Variants in ZMAT1 observed in about 807,000 individuals in gnomAD.
ZMAT1 encodes the protein zinc finger matrin-type protein 1.
A neutral mutation model predicts 18.5 loss-of-function variants in ZMAT1; 11 were observed. That is an observed-to-expected ratio of 0.59 (90% CI 0.37 to 0.98). ZMAT1 has a LOEUF of 0.98. Among genes scored for constraint, ZMAT1 ranks in the 50% least tolerant of loss-of-function variants. The probability of loss-of-function intolerance (pLI) is 0.01; values close to 1 mark genes in which losing one functional copy is unlikely to be tolerated. For synonymous variants in ZMAT1, 211 were observed against 176.4 expected, an observed-to-expected ratio of 1.20 and a Z score of -1.55; for missense variants, 525 against 496.2, an observed-to-expected ratio of 1.06 and a Z score of -0.55.
At chrX:101,891,497 G>A (rs1028976177) in intron 4 of ZMAT1, among the ~76,000 whole-genome samples, 3 of 111,240 alleles carry the variant, frequency 2.7e-5, no homozygotes, top group African/African-American at 9.8e-5. Context: ...AGATAGGTCA[G>A]AGAGATTTTG....
At chrX:101,910,392 C>T (rs1928882682) in intron 1 of ZMAT1, among the ~76,000 whole-genome samples, 1 of 112,258 alleles carries the variant, frequency 8.9e-6, no homozygotes, top group African/African-American at 3.2e-5. Context: ...AGCATCAACA[C>T]CATTCCGAAA....
chrX:101,929,984 T>C (rs912642045), intron 1 of ZMAT1, among the ~76,000 whole-genome samples: 5 of 112,098 alleles, frequency 4.5e-5, no homozygotes, highest in Non-Finnish European at 9.4e-5. Context: ...GGTGAACCTA[T>C]GTTAACTGCA....
At chrX:101,893,310 T>G (rs1339571633) in intron 4 of ZMAT1, among the ~76,000 whole-genome samples, 1 of 111,617 alleles carries the variant, frequency 9.0e-6, no homozygotes, top group African/African-American at 3.3e-5. Flanking sequence ...GCCCCTTATT[T>G]CAGATACACT....
chrX:101,910,953 T>C (rs1928922990), intron 1 of ZMAT1, among the ~76,000 whole-genome samples: 1 of 110,887 alleles, frequency 9.0e-6, no homozygotes, highest in Non-Finnish European at 1.9e-5. Flanking sequence ...GCAGATTTAA[T>C]TCAAAGACGA....
intron 1 of ZMAT1, chrX:101,915,732 T>A (rs763248128): frequency 9.0e-6 from 1 of 111,728 alleles, no homozygotes. Flanking sequence ...TACTAAAAAG[T>A]CAAGAAACAA....
intron 2 of ZMAT1, among the ~76,000 whole-genome samples, chrX:101,899,029 CAG>C (rs1025868785): frequency 3.6e-5 from 4 of 110,583 alleles, no homozygotes; most frequent in African/African-American, 1.3e-4. Context: ...GCCTAGGCGA[CAG>C]AGACTCTGTC....
rs1193436351 is a variant in ZMAT1, at chrX:101,911,937, C to T, written c.293-7607G>A. On this transcript the variant is annotated intron_variant, in intron 1 of 5. Coordinates refer to ENST00000651725, the MANE Select transcript of ZMAT1 (RefSeq NM_001394560.1). ...CATGGGTGTCACGATTGCGGAAAGT[C>T]CTTTAGGCAGAGCACCCACCTCACT... The T allele has an allele frequency of 2.5e-6, 3 of 1,203,984 alleles. No homozygotes were observed. The African/African-American group carries it at 5.3e-5, about 21-fold the overall frequency.
chrX:101,897,445 T>A (rs1927897616), intron 4 of ZMAT1, among the ~76,000 whole-genome samples: 1 of 103,960 alleles, frequency 9.6e-6, no homozygotes, highest in African/African-American at 3.5e-5. Context: ...CATATGTAAC[T>A]AACCTGCACA....
intron 1 of ZMAT1, among the ~76,000 whole-genome samples, chrX:101,927,427 C>T (rs1346575512): frequency 8.9e-6 from 1 of 111,859 alleles, no homozygotes; most frequent in African/African-American, 3.3e-5. Flanking sequence ...ATAAGACTAC[C>T]ACCTGACTTA....
At chrX:101,906,073 T>C (rs889184733) in intron 1 of ZMAT1, among the ~76,000 whole-genome samples, 2 of 110,543 alleles carry the variant, frequency 1.8e-5, no homozygotes, top group Non-Finnish European at 3.8e-5. Flanking sequence ...AAGTGAGCAC[T>C]GAACTTTAAT....
intron 1 of ZMAT1, among the ~76,000 whole-genome samples, chrX:101,920,543 G>T (rs1046665264): frequency 8.9e-6 from 1 of 111,756 alleles, no homozygotes; most frequent in Non-Finnish European, 1.9e-5. Context: ...AAAGATACTG[G>T]AGTGATGATT....
At chrX:101,899,473 C>T (rs920980058) in intron 2 of ZMAT1, among the ~76,000 whole-genome samples, 2 of 111,302 alleles carry the variant, frequency 1.8e-5, no homozygotes, top group African/African-American at 6.5e-5. Context: ...ACTCTTCCCC[C>T]CAAGTCCCCA....
At chrX:101,911,870 T>C in intron 1 of ZMAT1, 1 of 1,206,935 alleles carries the variant, frequency 8.3e-7, no homozygotes. Flanking sequence ...CCACAGCTCC[T>C]TGCTCAGCCA....
At chrX:101,893,241 G>A (rs1030550454) in intron 4 of ZMAT1, among the ~76,000 whole-genome samples, 1 of 111,467 alleles carries the variant, frequency 9.0e-6, no homozygotes, top group Non-Finnish European at 1.9e-5. Context: ...AGTGACAGGA[G>A]TGCACACACT....
intron 1 of ZMAT1, among the ~76,000 whole-genome samples, chrX:101,911,038 A>C (rs746112365): frequency 1.2e-4 from 13 of 111,693 alleles, no homozygotes; most frequent in African/African-American, 4.2e-4. Context: ...AGCAAGAGAA[A>C]AGAAAAAAAT....
intron 4 of ZMAT1, 114 bp from the exon 5 acceptor site, chrX:101,886,845 T>C: frequency 1.9e-6 from 1 of 532,479 alleles, no homozygotes; most frequent in Non-Finnish European, 3.0e-6. Flanking sequence ...CATTTTCCAA[T>C]AAAGATGGGG....
At chrX:101,909,671 G>C (rs957047184) in intron 1 of ZMAT1, among the ~76,000 whole-genome samples, 1 of 112,580 alleles carries the variant, frequency 8.9e-6, no homozygotes, top group Non-Finnish European at 1.9e-5. Context: ...GTGGCTATGG[G>C]GTGAGGCTAC....
At chrX:101,909,305 G>A (rs1023704077) in intron 1 of ZMAT1, among the ~76,000 whole-genome samples, 3 of 111,283 alleles carry the variant, frequency 2.7e-5, no homozygotes, top group African/African-American at 9.8e-5. Context: ...TTGAGCCTCT[G>A]ACACTTGCTG....
At chrX:101,895,557 T>C (rs1927737717) in intron 4 of ZMAT1, among the ~76,000 whole-genome samples, 1 of 111,436 alleles carries the variant, frequency 9.0e-6, no homozygotes, top group South Asian at 3.7e-4. Flanking sequence ...AACACAAACT[T>C]CCTATGAAAA....
Sources: gnomAD v4.1 joint callset for allele counts (sites outside exome capture counted in the v4.1 genomes callset) on GRCh38, gnomAD v4.1.1 for gene constraint, MANE v1.5 for transcripts, NCBI Gene and HGNC (gene_info 2026-07-23, HGNC 2026-07-21) for gene names.